Variants in CNBD2 observed in about 807,000 individuals in gnomAD.
CNBD2 encodes cyclic nucleotide-binding domain-containing protein 2.
A neutral mutation model predicts 63.7 loss-of-function variants in CNBD2; 64 were observed. That is an observed-to-expected ratio of 1.00 (90% confidence interval 0.82 to 1.24). The LOEUF (loss-of-function observed/expected upper bound fraction) is 1.24, where lower values mean the gene tolerates loss of function less well. CNBD2 is among the 50% of genes most tolerant of loss of function. The pLI is 0.00. For synonymous variants in CNBD2, 229 were observed against 255.4 expected (o/e 0.90, Z 0.99); for missense variants, 691 against 713.5 (o/e 0.97, Z 0.36).
chr20:35,971,549 G>A (rs181442906), intron 1 of CNBD2, among the ~76,000 whole-genome samples: 1 of 152,242 alleles, frequency 6.6e-6, no homozygotes, highest in Non-Finnish European at 1.5e-5. Context: ...CCGAGTAGCT[G>A]GGACTACAGG....
At chr20:35,964,403 C>G (rs1192694987), upstream of CNBD2, among the ~76,000 whole-genome samples, 1 of 151,476 alleles carries the variant, frequency 6.6e-6, no homozygotes, top group East Asian at 1.9e-4. Context: ...TGGTCTCAAA[C>G]TCCCAACCAC....
chr20:35,958,634 A>G (rs1204730175), downstream of CNBD2, among the ~76,000 whole-genome samples: 1 of 152,064 alleles, frequency 6.6e-6, no homozygotes, highest in African/African-American at 2.4e-5. Context: ...TTTTACATAC[A>G]TGCATTTGTG....
chr20:35,966,598 T>A (rs958659295), upstream of CNBD2, among the ~76,000 whole-genome samples: 1 of 152,210 alleles, frequency 6.6e-6, no homozygotes, highest in African/African-American at 2.4e-5. Context: ...AGTCACCAAG[T>A]TCCATTCAAT....
intron 2 of CNBD2, among the ~76,000 whole-genome samples, chr20:35,962,707 T>C (rs558907884): frequency 6.6e-6 from 1 of 152,380 alleles, no homozygotes; most frequent in East Asian, 1.9e-4. Context: ...GAATTATGTT[T>C]ATATAATTAA....
At chr20:35,978,437 C>T (rs1012985364) in intron 3 of CNBD2, among the ~76,000 whole-genome samples, 2 of 151,736 alleles carry the variant, frequency 1.3e-5, no homozygotes, top group East Asian at 1.9e-4. Context: ...CTCTGCCTCC[C>T]GGGTTCACGC....
chr20:35,978,966 T>C (rs914909231), intron 3 of CNBD2, among the ~76,000 whole-genome samples: 5 of 152,202 alleles, frequency 3.3e-5, no homozygotes, highest in African/African-American at 1.2e-4. Flanking sequence ...ATGTGTTATT[T>C]CTAAAAATTT....
chr20:36,010,849 C>T (rs1180833021), intron 9 of CNBD2, among the ~76,000 whole-genome samples: 1 of 152,218 alleles, frequency 6.6e-6, no homozygotes, highest in Non-Finnish European at 1.5e-5. Context: ...CCCATTAGGC[C>T]TGGCTTGGCT....
At chr20:35,963,876 G>A (rs1393744331), upstream of CNBD2, among the ~76,000 whole-genome samples, 1 of 151,998 alleles carries the variant, frequency 6.6e-6, no homozygotes, top group Non-Finnish European at 1.5e-5. Context: ...ATCCATACTG[G>A]GGGTTGCAAA....
rs561390894 is a variant in CNBD2, at chr20:35,968,754, A to C, written c.-9A>C. On this transcript the variant is annotated 5_prime_UTR_variant, in exon 1 of 12. Transcript: ENST00000373973. The stretch of plus-strand genomic sequence containing the variant: ...GGGGCTAGTTGTGCCATTTGCCTGC[A>C]CAGGAACCATGAGGAGACATATGGT... 1 of 1,606,712 alleles carries C rather than the reference A, an allele frequency of 6.2e-7. No individual in the cohort carries two copies. Among genetic ancestry groups the C allele is most frequent in the East Asian group, 2.2e-5 (1 of 44,762 alleles).
At chr20:36,017,660 A>T (rs2057153347) in intron 10 of CNBD2, among the ~76,000 whole-genome samples, 1 of 152,184 alleles carries the variant, frequency 6.6e-6, no homozygotes, top group Non-Finnish European at 1.5e-5. Flanking sequence ...TAGGTATTTA[A>T]AGAATGCTGT....
Position 36,008,408 on chromosome 20 carries a change from C to A in CNBD2, c.1082C>A (p.Thr361Lys). ...HLKKAWGLQG[T>K]SFSRKIRTSG... The stretch of plus-strand genomic sequence containing the variant: ...AAAAAAGCCTGGGGGCTACAGGGGA[C>A]AAGCTTCAGCAGGAAGATCAGAACC... Residue 361 changes from threonine to lysine, a missense_variant, in exon 9 of 12, where the codon ACA becomes AAA. Coordinates refer to ENST00000373973, the MANE Select transcript of CNBD2 (RefSeq NM_001365709.1). 1.2e-6 allele frequency: 2 copies of A among 1,614,102 alleles called. No homozygotes were observed. Among genetic ancestry groups the A allele is most frequent in the Non-Finnish European group, 1.7e-6 (2 of 1,180,026 alleles).
intron 4 of CNBD2, among the ~76,000 whole-genome samples, chr20:35,982,783 G>A (rs1390281658): frequency 6.6e-6 from 1 of 151,656 alleles, no homozygotes; most frequent in African/African-American, 2.4e-5. Flanking sequence ...TATGATCATG[G>A]CTCACCATAG....
chr20:36,009,910 A>G (rs552563444), intron 9 of CNBD2, among the ~76,000 whole-genome samples: 3 of 152,294 alleles, frequency 2.0e-5, no homozygotes, highest in East Asian at 1.9e-4. Flanking sequence ...TACGAGTACT[A>G]TTATAATCAT....
In CNBD2 at chr20:36,013,129, A is replaced by G. The variant is rs1195121569; in HGVS notation, c.1269+1872A>G. The stretch of plus-strand genomic sequence containing the variant: ...ATGTATGCAATTTGTTAAAAAAGAA[A>G]AAAAATCAGCCAGGCATAGTGGCTC... On this transcript the variant is annotated intron_variant, in intron 10 of 11. Transcript: ENST00000373973. Among the ~76,000 whole-genome samples the G allele has an allele frequency of 2.6e-5, 4 of 152,062 alleles. No individual in the cohort carries two copies. The East Asian group carries it at 7.7e-4, about 29-fold the overall frequency.
intron 8 of CNBD2, among the ~76,000 whole-genome samples, chr20:36,007,879 G>C (rs553881332): frequency 6.6e-6 from 1 of 152,264 alleles, no homozygotes; most frequent in Admixed American, 6.5e-5. Context: ...CTTGTCCAAA[G>C]TTCCATGACC....
intron 6 of CNBD2, 59 bp from the exon 7 acceptor site, chr20:35,987,336 C>G: frequency 6.3e-7 from 1 of 1,599,844 alleles, no homozygotes; most frequent in Non-Finnish European, 8.5e-7. Context: ...CTGCAGATTG[C>G]TAAGGTCTGG....
intron 7 of CNBD2, among the ~76,000 whole-genome samples, chr20:35,991,870 A>G (rs941650489): frequency 2.7e-5 from 4 of 150,934 alleles, no homozygotes; most frequent in Non-Finnish European, 5.9e-5. Context: ...TTGGGAACTC[A>G]TTTCTTCTTC....
chr20:35,986,474 C>T lies in CNBD2; in HGVS notation c.717-921C>T, dbSNP rs569043854. ...AAAATGGGGATAAGGATACCCTTCT[C>T]CCAAGGTCATGGTGAGGATGGAATG... On this transcript the variant is annotated intron_variant, in intron 6 of 11. Transcript: ENST00000373973. Among the ~76,000 whole-genome samples, 6 of 152,248 alleles carry T rather than the reference C, an allele frequency of 3.9e-5. No homozygotes were observed. In the South Asian group the frequency reaches 1.0e-3, roughly 26 times the overall value.
At chr20:36,006,481 A>G (rs991274277) in intron 8 of CNBD2, among the ~76,000 whole-genome samples, 3 of 152,252 alleles carry the variant, frequency 2.0e-5, no homozygotes, top group African/African-American at 7.2e-5. Flanking sequence ...CAGTGGCATG[A>G]ACATGGCTCA....
Sources: gnomAD v4.1 joint callset for allele counts (sites outside exome capture counted in the v4.1 genomes callset) on GRCh38, gnomAD v4.1.1 for gene constraint, MANE v1.5 for transcripts, NCBI Gene and HGNC (gene_info 2026-07-23, HGNC 2026-07-21) for gene names.